The following OTOF variants were observed in gnomAD, a reference collection of about 807,000 sequenced individuals.
OTOF encodes otoferlin.
A neutral mutation model predicts 236.8 loss-of-function variants in OTOF; 218 were observed. The ratio of observed to expected loss-of-function variants is 0.92; its 90% CI spans 0.82 to 1.03. The LOEUF is 1.03. Ranked by LOEUF, OTOF falls within the 50% of genes least tolerant of loss-of-function variation. The pLI, the probability that OTOF is intolerant of heterozygous loss-of-function variation, is 0.00. For missense variants in OTOF, 2,590 were observed against 2,694.4 expected, an observed-to-expected ratio of 0.96 and a Z score of 0.86; for synonymous variants, 1,041 against 1,072.5, an observed-to-expected ratio of 0.97 and a Z score of 0.57.
At chr2:26,481,845 T>G (rs1439652273) in intron 14 of OTOF, among the ~76,000 whole-genome samples, 1 of 152,194 alleles carries the variant, frequency 6.6e-6, no homozygotes, top group Non-Finnish European at 1.5e-5. Context: ...TCAGACAACA[T>G]GTGGCCTTTT....
chr2:26,528,683 A>G (rs1339153271), intron 2 of OTOF, among the ~76,000 whole-genome samples: 175 of 152,332 alleles, frequency 1.1e-3, no homozygotes, highest in African/African-American at 3.8e-3. Flanking sequence ...CCATTCTGTA[A>G]AAAGCTGCCA....
chr2:26,479,721 G>C, intron 16 of OTOF, 68 bp from the exon 17 acceptor site: 1 of 1,510,794 alleles, frequency 6.6e-7, no homozygotes, highest in Non-Finnish European at 9.1e-7. Context: ...CGTCCAATCC[G>C]GTGCTGCCTT....
intron 9 of OTOF, among the ~76,000 whole-genome samples, chr2:26,491,881 G>A (rs1302649887): frequency 6.6e-6 from 1 of 152,244 alleles, no homozygotes; most frequent in Non-Finnish European, 1.5e-5. Context: ...TCTCTGAGCT[G>A]TCTGCAATCA....
chr2:26,518,683 G>A (rs7592040), intron 4 of OTOF, among the ~76,000 whole-genome samples: 38,772 of 152,232 alleles, frequency 0.25, 6,029 homozygotes, highest in East Asian at 0.56. Flanking sequence ...GTGCCAGCAG[G>A]GCTCAGTCTG....
intron 32 of OTOF, 151 bp from the exon 33 acceptor site, chr2:26,468,625 T>G: frequency 1.4e-6 from 1 of 732,006 alleles, no homozygotes; most frequent in Admixed American, 2.0e-5. Context: ...TCTGCTTAAG[T>G]GGGTTAAAAA....
chr2:26,457,574 C>T lies in OTOF; in HGVS notation c.*664G>A, dbSNP rs917190537. 6 of 157,966 alleles carry T rather than the reference C, an allele frequency of 3.8e-5. No individual in the cohort carries two copies. Among genetic ancestry groups the T allele is most frequent in the Non-Finnish European group, 7.0e-5 (5 of 71,526 alleles). The allele number at this position is 157,966 out of a possible 1,614,324, so 9.8% of individuals were successfully genotyped here. A position where few individuals can be genotyped will look rare whatever the true frequency, so the allele number is the denominator to read the frequency against. ...TGTGGGCAGGGTCTGGCCCCTGCTG[C>T]GGATCAAAGACCGGTGCTATCTGCA... On this transcript the variant is annotated 3_prime_UTR_variant, in exon 47 of 47. Coordinates refer to ENST00000272371, the MANE Select transcript of OTOF (RefSeq NM_194248.3). The surrounding 1 kb of genome is among the most constrained non-coding windows in gnomAD (Gnocchi z 4.4).
chr2:26,554,541 C>T (rs191391573), intron 1 of OTOF, among the ~76,000 whole-genome samples: 1 of 152,230 alleles, frequency 6.6e-6, no homozygotes, highest in Non-Finnish European at 1.5e-5. Context: ...GTGCAAAGTA[C>T]TGCTAGAGGA....
chr2:26,481,785 C>A (rs572812614), intron 14 of OTOF, among the ~76,000 whole-genome samples: 1 of 152,280 alleles, frequency 6.6e-6, no homozygotes, highest in Non-Finnish European at 1.5e-5. Flanking sequence ...TGGAAACCGG[C>A]AATCTACTTT....
At chr2:26,496,383 T>C (rs1431771074) in intron 8 of OTOF, among the ~76,000 whole-genome samples, 1 of 151,746 alleles carries the variant, frequency 6.6e-6, no homozygotes, top group Admixed American at 6.6e-5. Flanking sequence ...TACAAGCATA[T>C]GCCACCCCGC....
At chr2:26,510,652 G>A (rs1192203449) in intron 5 of OTOF, 11 of 1,171,260 alleles carry the variant, frequency 9.4e-6, no homozygotes, top group South Asian at 1.3e-5. Context: ...TGGGGAGGAG[G>A]CCTCTGTCTC....
At chr2:26,492,403 T>C (rs1314711792) in intron 9 of OTOF, among the ~76,000 whole-genome samples, 2 of 152,206 alleles carry the variant, frequency 1.3e-5, no homozygotes, top group Non-Finnish European at 2.9e-5. Context: ...TATTTGGGTT[T>C]GTGAAAAAGA....
intron 8 of OTOF, among the ~76,000 whole-genome samples, chr2:26,498,724 C>A (rs1467538701): frequency 6.6e-6 from 1 of 152,144 alleles, no homozygotes; most frequent in African/African-American, 2.4e-5. Flanking sequence ...CTGGGAAAAC[C>A]CGAGAGTAAT....
intron 5 of OTOF, among the ~76,000 whole-genome samples, chr2:26,507,951 A>AC (rs779515357): frequency 6.6e-6 from 1 of 152,244 alleles, no homozygotes; most frequent in Non-Finnish European, 1.5e-5. Context: ...TGTGTGGTGC[A>AC]CACAGGGTCC....
In OTOF at chr2:26,477,738, C is replaced by T; in HGVS notation, c.2226G>A (p.Leu742=). 6.2e-7 allele frequency: 1 copy of T among 1,612,722 alleles called. No individual in the cohort carries two copies. Among genetic ancestry groups the T allele is most frequent in the Non-Finnish European group, 8.5e-7 (1 of 1,179,954 alleles). ...TTTTGATCATCTCCTGTATGTCGTT[C>T]AGGCCTTCTTCCTGTGAATCAGGAG... is the stretch of plus-strand genomic sequence containing the variant. ...DHIADKLEEG[L]NDIQEMIKTE... The change falls in exon 19 of 47, where the codon CTG becomes CTA. Residue 742 remains leucine (L), a synonymous_variant. Transcript: ENST00000272371. This position sits in a 1 kb window ranked among gnomAD's most constrained non-coding sequence, Gnocchi z 4.7.
intron 25 of OTOF, 148 bp downstream of exon 25, chr2:26,475,211 C>CA: frequency 1.1e-6 from 1 of 870,612 alleles, no homozygotes. Flanking sequence ...TGTCAGCCCC[C>CA]ACTCCCAGCT....
intron 8 of OTOF, among the ~76,000 whole-genome samples, chr2:26,496,099 A>G (rs144886234): frequency 7.9e-5 from 12 of 152,180 alleles, no homozygotes; most frequent in Non-Finnish European, 1.5e-4. Context: ...CAGCTCTGCA[A>G]TCTTACTTAT....
chr2:26,558,429 C>T (rs1177608025), intron 1 of OTOF, 64 bp downstream of exon 1: 9 of 1,458,020 alleles, frequency 6.2e-6, no homozygotes, highest in Admixed American at 1.7e-5. Flanking sequence ...CCCCGGCCAC[C>T]TCCAGAGCAT....
chr2:26,526,623 G>C (rs549866542), intron 3 of OTOF, among the ~76,000 whole-genome samples: 12 of 152,192 alleles, frequency 7.9e-5, no homozygotes, highest in Non-Finnish European at 1.2e-4. Flanking sequence ...AAACTATAGG[G>C]TGGTGCCTAC....
intron 1 of OTOF, among the ~76,000 whole-genome samples, chr2:26,552,304 C>A (rs982433829): frequency 6.6e-6 from 1 of 152,074 alleles, no homozygotes; most frequent in Non-Finnish European, 1.5e-5. Flanking sequence ...GTGGGAGCAT[C>A]GCTTGAACCC....
Sources: allele counts gnomAD v4.1 joint callset (sites outside exome capture counted in the v4.1 genomes callset), GRCh38; gene constraint gnomAD v4.1.1; non-coding constraint Gnocchi (gnomAD v3.1); transcripts MANE v1.5; gene names NCBI Gene and HGNC (gene_info 2026-07-23, HGNC 2026-07-21).